CCM2: variants seen among roughly 807,000 people sequenced by gnomAD.
CCM2 encodes the protein cerebral cavernous malformations 2 protein.
A neutral mutation model predicts 44.9 loss-of-function variants in CCM2; 25 were observed. The observed-to-expected ratio is 0.56, with a 90% CI of 0.41 to 0.78. The LOEUF (loss-of-function observed/expected upper bound fraction) is 0.78, where lower values mean the gene tolerates loss of function less well. Ranked by LOEUF, CCM2 falls within the 30% of genes least tolerant of loss-of-function variation. The probability of loss-of-function intolerance (pLI) is 0.00; values close to 1 mark genes in which losing one functional copy is unlikely to be tolerated. For missense variants in CCM2, 481 were observed against 580.6 expected (o/e 0.83, Z 1.76); for synonymous variants, 219 against 241.1 (o/e 0.91, Z 0.85).
At chr7:45,055,385 A>T (rs998642960) in intron 2 of CCM2, among the ~76,000 whole-genome samples, 2 of 152,172 alleles carry the variant, frequency 1.3e-5, no homozygotes, top group African/African-American at 4.8e-5. Context: ...ATTGTAGTAA[A>T]ATATACATAA....
At chr7:45,035,910 C>T (rs1221606043) in intron 1 of CCM2, among the ~76,000 whole-genome samples, 2 of 151,928 alleles carry the variant, frequency 1.3e-5, no homozygotes, top group Non-Finnish European at 1.5e-5. Flanking sequence ...ATAAAATTAA[C>T]TGGTATATAT....
At chr7:45,019,912 T>G (rs1316463729) in intron 1 of CCM2, among the ~76,000 whole-genome samples, 1 of 152,200 alleles carries the variant, frequency 6.6e-6, no homozygotes, top group Admixed American at 6.5e-5. Flanking sequence ...TATCGTGTCC[T>G]TTCTGGGCTT....
At chr7:45,044,492 G>A (rs572988403) in intron 2 of CCM2, among the ~76,000 whole-genome samples, 45 of 152,080 alleles carry the variant, frequency 3.0e-4, no homozygotes, top group Non-Finnish European at 5.4e-4. Context: ...TTGCTTCTGA[G>A]GCATCTCCAG....
rs578190140 is a variant in CCM2, at chr7:45,065,099, C to T, written c.472+453C>T. ...CCCAGACCTCCCAGGAGCTCTTGGT[C>T]ATAGAGGTTACTCTCTGTGTGTCCT... On this transcript the variant is annotated intron_variant, in intron 4 of 9. Coordinates refer to ENST00000258781, the MANE Select transcript of CCM2 (RefSeq NM_031443.4). Among the ~76,000 whole-genome samples, 5 of 152,020 alleles carry T rather than the reference C, an allele frequency of 3.3e-5. No homozygotes were observed. In the South Asian group the frequency reaches 8.3e-4, roughly 25 times the overall value.
intron 1 of CCM2, among the ~76,000 whole-genome samples, chr7:45,001,541 C>A (rs913481440): frequency 2.0e-5 from 3 of 152,188 alleles, no homozygotes. Flanking sequence ...CCATCAGGCC[C>A]GAGTGTGGAT....
At chr7:45,010,607 A>AT (rs913788040) in intron 1 of CCM2, among the ~76,000 whole-genome samples, 16 of 151,868 alleles carry the variant, frequency 1.1e-4, no homozygotes, top group South Asian at 2.1e-4. Flanking sequence ...ATATATATAT[A>AT]TTTTTTTGAG....
intron 2 of CCM2, chr7:45,043,780 C>G (rs561801357): frequency 1.8e-4 from 69 of 377,954 alleles, no homozygotes; most frequent in South Asian, 1.4e-3. Context: ...TTTTCCTATT[C>G]TTTACTCTTC....
At chr7:45,046,424 G>T (rs1797759235) in intron 2 of CCM2, among the ~76,000 whole-genome samples, 1 of 152,190 alleles carries the variant, frequency 6.6e-6, no homozygotes, top group South Asian at 2.1e-4. Flanking sequence ...GGAGCAAAAT[G>T]AACTAGAAAC....
chr7:45,054,725 GCTCTCTCACTGCTTCACCGTGGTCCTCT>G (rs902583452), intron 2 of CCM2, among the ~76,000 whole-genome samples: 2 of 152,150 alleles, frequency 1.3e-5, no homozygotes, highest in Admixed American at 1.3e-4. Flanking sequence ...ATGTCCCCTT[GCTCTCTCACTGCTTCACCGTGGTCCTCT>G]CTCTTGTAGC....
chr7:45,008,953 T>C (rs1308013599), intron 1 of CCM2, among the ~76,000 whole-genome samples: 1 of 152,136 alleles, frequency 6.6e-6, no homozygotes, highest in Non-Finnish European at 1.5e-5. Flanking sequence ...AAGAGGTATG[T>C]GCAGCCTCCG....
chr7:45,043,628 CA>C (rs56961380), intron 2 of CCM2: 32,722 of 274,712 alleles, frequency 0.12, no homozygotes, highest in South Asian at 0.2. Flanking sequence ...GACTCCATCC[CA>C]AAAAAAAAAA....
intron 1 of CCM2, among the ~76,000 whole-genome samples, chr7:45,036,875 C>T (rs769893737): frequency 6.6e-6 from 1 of 152,070 alleles, no homozygotes; most frequent in Non-Finnish European, 1.5e-5. Flanking sequence ...GTGGGGGTTT[C>T]GGCTGCCATC....
intron 6 of CCM2, chr7:45,071,623 C>G (rs965538041): frequency 2.8e-6 from 1 of 362,310 alleles, no homozygotes; most frequent in African/African-American, 2.1e-5. Flanking sequence ...TCCCACTGGG[C>G]TAAAGTTGAG....
intron 1 of CCM2, among the ~76,000 whole-genome samples, chr7:45,022,431 C>G (rs1027344806): frequency 2.1e-4 from 31 of 150,918 alleles, no homozygotes; most frequent in African/African-American, 6.1e-4. Flanking sequence ...CTCAGCCTCC[C>G]GAGTAGCTGG....
At chr7:45,005,941 AGCCACTGGAG>A (rs1795830898) in intron 1 of CCM2, among the ~76,000 whole-genome samples, 1 of 152,220 alleles carries the variant, frequency 6.6e-6, no homozygotes, top group African/African-American at 2.4e-5. Flanking sequence ...ATGCACTTGA[AGCCACTGGAG>A]GTGTTCCACA....
At chr7:45,044,793 C>T (rs551581910) in intron 2 of CCM2, among the ~76,000 whole-genome samples, 23 of 152,226 alleles carry the variant, frequency 1.5e-4, no homozygotes, top group African/African-American at 5.5e-4. Flanking sequence ...AACCATAATA[C>T]TTTGTGATTG....
intron 1 of CCM2, among the ~76,000 whole-genome samples, chr7:45,034,355 G>A (rs1052869259): frequency 2.0e-5 from 3 of 152,010 alleles, no homozygotes; most frequent in African/African-American, 2.4e-5. Flanking sequence ...GGGATTACAG[G>A]CATCTGCCAC....
At chr7:45,071,639 C>G (rs1583988072) in intron 6 of CCM2, 1 of 383,008 alleles carries the variant, frequency 2.6e-6, no homozygotes, top group South Asian at 2.0e-5. Flanking sequence ...TTGAGGTGTC[C>G]ACAGGGCTGG....
At position 45,068,528 on chromosome 7, in the gene CCM2, A is replaced by G. The variant is rs766127952; in HGVS notation, c.558A>G (p.Ala186=). ...GTGCAGGCTCCCTGTCGGAGAGTGC[A>G]GTTGGGCCCGTGGAGGCATGCTGCC... is the stretch of plus-strand genomic sequence containing the variant. ...GLSAGSLSES[A]VGPVEACCLV... Residue 186 remains alanine (A), a synonymous_variant, in exon 5 of 10, where the codon GCA becomes GCG. Coordinates refer to ENST00000258781, the MANE Select transcript of CCM2 (RefSeq NM_031443.4). 1 of 1,614,148 alleles carries G rather than the reference A, an allele frequency of 6.2e-7. No individual in the cohort carries two copies. The highest frequency in any genetic ancestry group is 8.5e-7 in the Non-Finnish European group (1 of 1,180,024).
Sources: allele counts gnomAD v4.1 joint callset (sites outside exome capture counted in the v4.1 genomes callset), GRCh38; gene constraint gnomAD v4.1.1; transcripts MANE v1.5; gene names NCBI Gene and HGNC (gene_info 2026-07-23, HGNC 2026-07-21).